The following USP26 variants were observed in gnomAD, a reference collection of about 807,000 sequenced individuals.
USP26 encodes the protein ubiquitin carboxyl-terminal hydrolase 26.
For synonymous variants in USP26, 236 were observed against 240.6 expected (o/e 0.98, Z 0.18); for missense variants, 649 against 642.3 (o/e 1.01, Z -0.11).
intron 4 of USP26, among the ~76,000 whole-genome samples, chrX:133,087,180 A>G (rs961176088): frequency 9.0e-6 from 1 of 111,515 alleles, no homozygotes; most frequent in African/African-American, 3.3e-5. Flanking sequence ...CAATCAGCCA[A>G]TGGTAAATTT....
chrX:133,057,870 T>A (rs866762238), intron 5 of USP26, among the ~76,000 whole-genome samples: 104 of 14,442 alleles, frequency 7.2e-3, no homozygotes, highest in African/African-American at 0.014. Context: ...ATATATATTT[T>A]TTTTTTTTTT....
Position 133,027,399 on chromosome X carries a change from G to T in USP26, c.822C>A (p.Asp274Glu). 1.7e-6 allele frequency: 2 copies of T among 1,211,152 alleles called. No homozygotes were observed. The highest frequency in any genetic ancestry group is 2.2e-6 in the Non-Finnish European group (2 of 895,182). ...LVFLLQQGYS[D>E]GYTKWDKLKL... is the part of the protein sequence containing the mutation. ...TTAATTTATCCCACTTTGTGTAACC[G>T]TCACTATACCCTTGTTGTAACAGAA... Residue 274 changes from aspartate to glutamate, a missense_variant, in exon 6 of 6, where the codon GAC becomes GAA. By Grantham distance (45) the Asp-to-Glu change is conservative (BLOSUM62 2). Transcript: ENST00000511190.
At chrX:133,074,366 G>A (rs1009342594) in intron 5 of USP26, among the ~76,000 whole-genome samples, 2 of 111,939 alleles carry the variant, frequency 1.8e-5, no homozygotes, top group African/African-American at 6.5e-5. Context: ...TAACCTCTAT[G>A]TACCCTGTGC....
At chrX:133,095,847 T>C (rs1247427330) in intron 1 of USP26, among the ~76,000 whole-genome samples, 1 of 110,710 alleles carries the variant, frequency 9.0e-6, no homozygotes, top group Non-Finnish European at 1.9e-5. Context: ...TGGTTTCAAG[T>C]GATTCTCTTG....
rs1289090509 is a variant in USP26 at position 133,027,985 on chromosome X, T to C, written c.236A>G (p.Asn79Ser). The C allele has an allele frequency of 1.7e-6, 2 of 1,211,467 alleles. No individual in the cohort carries two copies. The highest frequency in any genetic ancestry group is 2.2e-6 in the Non-Finnish European group (2 of 895,235). ...NHLHLTLQNNNGLFIEGLSST... is the reference protein window; with the variant it reads ...NHLHLTLQNNSGLFIEGLSST... ...GGATAATCCTTCAATAAACAAGCCA[T>C]TATTATTTTGTAAAGTTAAATGCAG... Residue 79 changes from asparagine to serine, a missense_variant, in exon 6 of 6, where the codon AAT (asparagine) becomes AGT (serine). By Grantham distance (46) the Asn-to-Ser change is conservative. Coordinates refer to ENST00000511190, the MANE Select transcript of USP26 (RefSeq NM_031907.3).
intron 5 of USP26, among the ~76,000 whole-genome samples, chrX:133,077,236 A>T (rs2067552710): frequency 8.9e-6 from 1 of 112,102 alleles, no homozygotes; most frequent in Non-Finnish European, 1.9e-5. Context: ...AGAACTAATC[A>T]ATAATATTGA....
intron 5 of USP26, among the ~76,000 whole-genome samples, chrX:133,075,132 C>CCCTCCCCTCTG (rs1158361805): frequency 9.0e-6 from 1 of 111,457 alleles, no homozygotes; most frequent in Non-Finnish European, 1.9e-5. Flanking sequence ...AGTACTCTCT[C>CCCTCCCCTCTG]CCTCCCCTCT....
At chrX:133,041,977 C>G (rs2067421341) in intron 5 of USP26, among the ~76,000 whole-genome samples, 1 of 112,287 alleles carries the variant, frequency 8.9e-6, no homozygotes, top group Non-Finnish European at 1.9e-5. Flanking sequence ...GAATTCTGCC[C>G]AGTCCAAATC....
chrX:133,085,644 C>A (rs957615474), intron 4 of USP26, among the ~76,000 whole-genome samples: 1 of 112,189 alleles, frequency 8.9e-6, no homozygotes, highest in Non-Finnish European at 1.9e-5. Context: ...CTTTTCAGAA[C>A]ATTAGATTCA....
Position 133,026,391 on chromosome X carries a change from T to C in USP26, c.1830A>G (p.Gln610=). The change falls in exon 6 of 6, where the codon CAA becomes CAG. Residue 610 remains glutamine (Q), a synonymous_variant. Coordinates refer to ENST00000511190, the MANE Select transcript of USP26 (RefSeq NM_031907.3). ...PHIGSDKESE[Q]KKGQTVFKGA... is the part of the protein sequence containing the mutation. ...CTTTAAAGACTGTCTGGCCTTTTTT[T>C]TGTTCAGACTCCTTATCTGATCCAA... is the stretch of plus-strand genomic sequence containing the variant. 1 of 1,208,005 alleles carries C rather than the reference T, an allele frequency of 8.3e-7. No individual in the cohort carries two copies. The highest frequency in any genetic ancestry group is 1.1e-6 in the Non-Finnish European group (1 of 894,672).
chrX:133,091,958 T>C (rs1003578380), intron 1 of USP26, among the ~76,000 whole-genome samples: 2 of 111,993 alleles, frequency 1.8e-5, no homozygotes, highest in African/African-American at 6.5e-5. Flanking sequence ...GACTTGCCTG[T>C]GGATGGACAG....
intron 5 of USP26, among the ~76,000 whole-genome samples, chrX:133,037,426 T>C (rs1330055240): frequency 8.9e-6 from 1 of 112,455 alleles, no homozygotes; most frequent in Non-Finnish European, 1.9e-5. Context: ...ATTTGTTAAA[T>C]AGGGAATCCT....
At chrX:133,057,238 T>A (rs891460819) in intron 5 of USP26, among the ~76,000 whole-genome samples, 1 of 111,846 alleles carries the variant, frequency 8.9e-6, no homozygotes, top group African/African-American at 3.2e-5. Flanking sequence ...GTTTTAATAT[T>A]TTAAACAGAC....
At chrX:133,094,555 A>G (rs1315196420) in intron 1 of USP26, among the ~76,000 whole-genome samples, 2 of 111,632 alleles carry the variant, frequency 1.8e-5, no homozygotes. Context: ...TCACTGCCAG[A>G]AAGTAAACAT....
In USP26 at chrX:133,027,649, T is replaced by C. The variant is rs772194705; in HGVS notation, c.572A>G (p.Asn191Ser). 2 of 1,208,486 alleles carry C rather than the reference T, an allele frequency of 1.7e-6. No homozygotes were observed. Among genetic ancestry groups the C allele is most frequent in the Non-Finnish European group, 2.2e-6 (2 of 893,794 alleles). ...ATTATTTTCTTTCAAGAATTCCTCA[T>C]TCATCTCTGAGCTAGATGAGAGCAT... ...KRMLSSSSEMNEEFLKENNSV... is the reference protein window; with the variant it reads ...KRMLSSSSEMSEEFLKENNSV... Residue 191 changes from asparagine to serine, a missense_variant, in exon 6 of 6, where the codon AAT becomes AGT. By Grantham distance (46) the Asn-to-Ser change is conservative. Transcript: ENST00000511190.
chrX:133,053,204 G>A (rs758182122), intron 5 of USP26, among the ~76,000 whole-genome samples: 1 of 111,768 alleles, frequency 8.9e-6, no homozygotes, highest in Admixed American at 9.5e-5. Flanking sequence ...TATTAACCAT[G>A]AGTATAATAT....
chrX:133,073,447 A>T (rs987808476), intron 5 of USP26, among the ~76,000 whole-genome samples: 1 of 110,663 alleles, frequency 9.0e-6, no homozygotes, highest in African/African-American at 3.3e-5. Flanking sequence ...AGTGCCTAAG[A>T]AACTCCCTTG....
intron 5 of USP26, among the ~76,000 whole-genome samples, chrX:133,046,927 A>T (rs1227325804): frequency 8.9e-6 from 1 of 112,023 alleles, no homozygotes; most frequent in Admixed American, 9.5e-5. Flanking sequence ...TGTGATGCTA[A>T]TGGAGGCCAT....
chrX:133,036,291 C>T (rs755893240), intron 5 of USP26, among the ~76,000 whole-genome samples: 2 of 110,285 alleles, frequency 1.8e-5, no homozygotes, highest in South Asian at 4.0e-4. Flanking sequence ...GCTCCATATG[C>T]ATTAGGTATT....
Sources: allele counts gnomAD v4.1 joint callset (sites outside exome capture counted in the v4.1 genomes callset), GRCh38; gene constraint gnomAD v4.1.1; transcripts MANE v1.5; gene names NCBI Gene and HGNC (gene_info 2026-07-23, HGNC 2026-07-21).